Variants in ARHGEF9 observed in about 807,000 individuals in gnomAD.
The protein encoded by ARHGEF9 is rho guanine nucleotide exchange factor 9.
A neutral mutation model predicts 41.3 loss-of-function variants in ARHGEF9; 2 were observed. That is an observed-to-expected ratio of 0.05 (90% confidence interval 0.02 to 0.15). The LOEUF (loss-of-function observed/expected upper bound fraction) is 0.15. Ranked by LOEUF, ARHGEF9 falls within the 10% of genes least tolerant of loss-of-function variation. ARHGEF9 has a pLI of 1.00. For synonymous variants in ARHGEF9, 160 were observed against 154.4 expected (o/e 1.04, Z -0.27); for missense variants, 225 against 424.7 (o/e 0.53, Z 4.13).
intron 2 of ARHGEF9, among the ~76,000 whole-genome samples, chrX:63,718,016 G>A (rs1276049742): frequency 1.3e-4 from 15 of 111,741 alleles, no homozygotes; most frequent in African/African-American, 4.6e-4. Flanking sequence ...GGTATAACTG[G>A]TGGCCTGAAG....
intron 8 of ARHGEF9, 91 bp from the exon 9 acceptor site, chrX:63,644,139 G>T: frequency 1.7e-6 from 1 of 571,484 alleles, no homozygotes; most frequent in Non-Finnish European, 2.6e-6. Flanking sequence ...AGAAAGATTT[G>T]CTAAGACATA....
At chrX:63,638,276 C>T in intron 9 of ARHGEF9, 67 bp from the exon 10 acceptor site, 1 of 1,007,999 alleles carries the variant, frequency 9.9e-7, no homozygotes, top group East Asian at 3.3e-5. Context: ...TCAAATTACC[C>T]AGTGACCACT....
chrX:63,653,792 A>T (rs1556332483), intron 8 of ARHGEF9, among the ~76,000 whole-genome samples: 1 of 111,030 alleles, frequency 9.0e-6, no homozygotes, highest in Non-Finnish European at 1.9e-5. Context: ...ATGGTCATGC[A>T]TTAATTTTAT....
chrX:63,768,971 C>T lies in ARHGEF9; in HGVS notation c.30+16145G>A, dbSNP rs1325866045. Among the ~76,000 whole-genome samples the T allele has an allele frequency of 3.3e-4, 37 of 111,095 alleles. 1 individual carries two copies. The highest frequency in any genetic ancestry group is 8.2e-4 in the African/African-American group (25 of 30,480). On this transcript the variant is annotated intron_variant, in intron 1 of 9. Transcript: ENST00000671741. ...ACAAACAAATACAGTAAATTGGTAC[C>T]GGGAGTGGGGTGCTACTAAAAAAAA... is the stretch of plus-strand genomic sequence containing the variant.
chrX:63,650,597 T>C (rs1396412598), intron 8 of ARHGEF9, among the ~76,000 whole-genome samples: 1 of 110,380 alleles, frequency 9.1e-6, no homozygotes, highest in Non-Finnish European at 1.9e-5. Flanking sequence ...GTAGGGAAAT[T>C]AGAGTTAATA....
chrX:63,730,626 G>A (rs1556419547), intron 1 of ARHGEF9, among the ~76,000 whole-genome samples: 1 of 111,989 alleles, frequency 8.9e-6, no homozygotes, highest in Non-Finnish European at 1.9e-5. Context: ...AGGTGATACT[G>A]ATGCTGCTGG....
intron 1 of ARHGEF9, chrX:63,727,249 T>C (rs1344249656): frequency 1.8e-5 from 2 of 112,227 alleles, no homozygotes; most frequent in African/African-American, 3.2e-5. Context: ...CAGATCTGGC[T>C]GATTCCACTG....
intron 1 of ARHGEF9, chrX:63,732,215 G>C (rs1335017219): frequency 9.0e-6 from 1 of 111,621 alleles, no homozygotes; most frequent in East Asian, 2.8e-4. Context: ...TAGTTCTTCA[G>C]ATGAATCATC....
chrX:63,717,111 A>AAT (rs1197189306), intron 2 of ARHGEF9, among the ~76,000 whole-genome samples: 1 of 112,125 alleles, frequency 8.9e-6, no homozygotes, highest in Non-Finnish European at 1.9e-5. Context: ...CAATGGGCAG[A>AAT]ATGTTCAGGT....
At chrX:63,659,206 T>A (rs1556339187) in intron 7 of ARHGEF9, among the ~76,000 whole-genome samples, 1 of 112,104 alleles carries the variant, frequency 8.9e-6, no homozygotes. Flanking sequence ...CCCCAGAGTT[T>A]CCTCTGGTTG....
rs1184643192 is a variant in ARHGEF9 at position 63,676,958 on chromosome X, T to C, written c.815+1382A>G. The stretch of plus-strand genomic sequence containing the variant: ...AAAGTTCTACTGGGCAGTCCTGGCA[T>C]GACAATGTTCATTTCCTCTACACCA... On this transcript the variant is annotated intron_variant, in intron 5 of 9. Transcript: ENST00000671741. 7.1e-5 allele frequency among the ~76,000 whole-genome samples: 8 copies of C among 112,280 alleles called. No individual in the cohort carries two copies. In the Admixed American group the frequency reaches 7.5e-4, roughly 11 times the overall value.
intron 1 of ARHGEF9, among the ~76,000 whole-genome samples, chrX:63,743,064 C>T (rs782556911): frequency 3.6e-5 from 4 of 111,778 alleles, no homozygotes; most frequent in African/African-American, 6.5e-5. Context: ...GGCAAAACCC[C>T]GTCTCTACTA....
intron 4 of ARHGEF9, among the ~76,000 whole-genome samples, chrX:63,679,449 A>G (rs2050478245): frequency 8.9e-6 from 1 of 111,764 alleles, no homozygotes; most frequent in Non-Finnish European, 1.9e-5. Context: ...AAGAGAAACA[A>G]TAGGCAATAG....
Position 63,635,397 on chromosome X carries a change from A to G in ARHGEF9, c.*2631T>C. On this transcript the variant is annotated 3_prime_UTR_variant, in exon 10 of 10. Transcript: ENST00000671741. ...AGCAAATCCTGGCCTCACTGAGTTG[A>G]GGAAAAGGGAGCTCAGGGCCATGCG... 1 of 522,153 alleles carries G rather than the reference A, an allele frequency of 1.9e-6. No homozygotes were observed. The highest frequency in any genetic ancestry group is 3.5e-6 in the Non-Finnish European group (1 of 285,899). 43.0% of individuals were successfully genotyped at this position (522,153 alleles called of 1,213,427 possible).
chrX:63,685,414 C>T (rs2050922065), intron 4 of ARHGEF9, among the ~76,000 whole-genome samples: 1 of 111,418 alleles, frequency 9.0e-6, no homozygotes, highest in African/African-American at 3.3e-5. Context: ...CAATCCCAAC[C>T]AAAACACTGA....
At chrX:63,654,449 T>A (rs1367223141) in intron 8 of ARHGEF9, among the ~76,000 whole-genome samples, 2 of 111,645 alleles carry the variant, frequency 1.8e-5, no homozygotes, top group Admixed American at 1.9e-4. Context: ...CCACATCATG[T>A]CCCAATGGAG....
At chrX:63,763,139 G>T (rs2056061001) in intron 1 of ARHGEF9, among the ~76,000 whole-genome samples, 1 of 110,906 alleles carries the variant, frequency 9.0e-6, no homozygotes, top group Non-Finnish European at 1.9e-5. Context: ...ACTGCATGGA[G>T]GGTGGGATTT....
chrX:63,718,001 C>A (rs1309240066), intron 2 of ARHGEF9, among the ~76,000 whole-genome samples: 1 of 111,747 alleles, frequency 8.9e-6, no homozygotes, highest in Non-Finnish European at 1.9e-5. Context: ...TCAGATCTGT[C>A]CTGAGGTATA....
chrX:63,706,568 C>T (rs1341404770), intron 2 of ARHGEF9, 119 bp from the exon 3 acceptor site: 1 of 871,000 alleles, frequency 1.1e-6, no homozygotes, highest in Non-Finnish European at 1.6e-6. Context: ...CAACCAGAGA[C>T]CTGTGCAAGT....
Sources: allele counts gnomAD v4.1 joint callset (sites outside exome capture counted in the v4.1 genomes callset), GRCh38; gene constraint gnomAD v4.1.1; transcripts MANE v1.5; gene names NCBI Gene and HGNC (gene_info 2026-07-23, HGNC 2026-07-21).